The following EPB41L2 variants were observed in gnomAD, a reference collection of about 807,000 sequenced individuals.
EPB41L2 encodes the protein band 4.1-like protein 2.
A neutral mutation model predicts 113.0 loss-of-function variants in EPB41L2; 43 were observed. The ratio of observed to expected loss-of-function variants is 0.38; its 90% CI spans 0.30 to 0.49. EPB41L2 has a LOEUF of 0.49. EPB41L2 is among the 20% of genes least tolerant of loss of function. The pLI is 0.95. For synonymous variants in EPB41L2, 442 were observed against 436.7 expected, an observed-to-expected ratio of 1.01 and a Z score of -0.15; for missense variants, 1,147 against 1,223.4, an observed-to-expected ratio of 0.94 and a Z score of 0.93.
intron 11 of EPB41L2, among the ~76,000 whole-genome samples, chr6:130,886,086 C>A (rs748232678): frequency 6.6e-6 from 1 of 152,178 alleles, no homozygotes; most frequent in Non-Finnish European, 1.5e-5. Context: ...AACAGAACTA[C>A]CACAAGGTCA....
Position 130,858,235 on chromosome 6 carries a change from A to G in EPB41L2, c.2919T>C (p.Ala973=). Residue 973 remains alanine, a synonymous_variant, in exon 19 of 20, where the codon GCT becomes GCC. Coordinates refer to ENST00000337057, the MANE Select transcript of EPB41L2 (RefSeq NM_001431.4). Reference sequence around the variant, plus strand: ...GCTCTCTGGCTTCCCTGATCGCCTGAGCCAGTGCCTGCCAGGGTCAGGACA... The same window carrying G: ...GCTCTCTGGCTTCCCTGATCGCCTGGGCCAGTGCCTGCCAGGGTCAGGACA... ...DGDIDHDQAL[A]QAIREAREQH... 1 of 1,612,162 alleles carries G rather than the reference A, an allele frequency of 6.2e-7. No homozygotes were observed. Among genetic ancestry groups the G allele is most frequent in the Non-Finnish European group, 8.5e-7 (1 of 1,178,998 alleles).
chr6:130,991,821 T>C (rs1011249638), intron 1 of EPB41L2, among the ~76,000 whole-genome samples: 1 of 152,182 alleles, frequency 6.6e-6, no homozygotes, highest in African/African-American at 2.4e-5. Flanking sequence ...GATTTGGTCT[T>C]TGTAGAAGAA....
chr6:130,871,312 C>T (rs1420272338), intron 14 of EPB41L2, among the ~76,000 whole-genome samples: 1 of 152,106 alleles, frequency 6.6e-6, no homozygotes, highest in Non-Finnish European at 1.5e-5. Context: ...AACTTTTTGA[C>T]TTCTAGGTGG....
intron 17 of EPB41L2, 148 bp downstream of exon 17, chr6:130,865,388 T>C: frequency 1.4e-6 from 1 of 716,636 alleles, no homozygotes; most frequent in Non-Finnish European, 2.2e-6. Context: ...GAGCCTAATT[T>C]CTTGGATACT....
chr6:130,956,647 A>G, intron 1 of EPB41L2, 148 bp from the exon 2 acceptor site: 2 of 785,810 alleles, frequency 2.5e-6, no homozygotes, highest in Non-Finnish European at 3.9e-6. Context: ...CAAAAGCACA[A>G]GACAAAATGG....
At position 131,032,194 on chromosome 6, in the gene EPB41L2, A is replaced by G. The variant is rs557314513; in HGVS notation, c.-15+30961T>C. On this transcript the variant is annotated intron_variant, in intron 1 of 19. Coordinates refer to ENST00000337057, the MANE Select transcript of EPB41L2 (RefSeq NM_001431.4). ...CAGAGACAGCCCTAGCCAGCACAAT[A>G]AAGTCTTGCTTGAAGAGGGACTGGT... Among the ~76,000 whole-genome samples the G allele has an allele frequency of 3.3e-5, 5 of 152,196 alleles. No homozygotes were observed. In the South Asian group the frequency reaches 1.0e-3, roughly 32 times the overall value.
chr6:130,930,754 C>G (rs1291623983), intron 3 of EPB41L2, among the ~76,000 whole-genome samples: 1 of 151,840 alleles, frequency 6.6e-6, no homozygotes, highest in Non-Finnish European at 1.5e-5. Context: ...TATTGAGAGA[C>G]ACAGTATCAG....
intron 3 of EPB41L2, among the ~76,000 whole-genome samples, chr6:130,945,831 G>A (rs746183047): frequency 2.0e-5 from 3 of 151,774 alleles, no homozygotes; most frequent in Admixed American, 1.3e-4. Flanking sequence ...TTTTTCCCCC[G>A]CTTAGAGGAA....
At position 130,858,127 on chromosome 6, in the gene EPB41L2, T is replaced by C. The variant is rs1286651775; in HGVS notation, c.*5+4A>G. On this transcript the variant is annotated splice_donor_region_variant and intron_variant, in intron 19 of 19. Coordinates refer to ENST00000337057, the MANE Select transcript of EPB41L2 (RefSeq NM_001431.4). ...AAGGCCACAGACAATGAGGGCTCTCTTACCTTACTTAATCTTCCCCTTCCT... is the reference window on the plus strand; with the variant it reads ...AAGGCCACAGACAATGAGGGCTCTCCTACCTTACTTAATCTTCCCCTTCCT... The C allele has an allele frequency of 6.2e-6, 10 of 1,609,972 alleles. No individual in the cohort carries two copies. The highest frequency in any genetic ancestry group is 8.5e-6 in the Non-Finnish European group (10 of 1,176,394).
intron 6 of EPB41L2, among the ~76,000 whole-genome samples, chr6:130,902,197 C>A (rs1478355068): frequency 6.6e-6 from 1 of 152,208 alleles, no homozygotes; most frequent in Admixed American, 6.5e-5. Flanking sequence ...TGGCAGCTGG[C>A]CATCTTAGTC....
intron 14 of EPB41L2, chr6:130,876,633 G>C (rs1012230717): frequency 3.4e-6 from 4 of 1,175,724 alleles, no homozygotes; most frequent in South Asian, 1.4e-5. Context: ...AAAGGAAAGG[G>C]GGAAAAAGCA....
chr6:130,894,799 C>T (rs1794093745), intron 9 of EPB41L2, among the ~76,000 whole-genome samples, 168 bp downstream of exon 9: 1 of 151,948 alleles, frequency 6.6e-6, no homozygotes, highest in Non-Finnish European at 1.5e-5. Context: ...TAAAAACAGA[C>T]CAGACGTATA....
chr6:130,906,586 A>T (rs1279207756), intron 5 of EPB41L2, among the ~76,000 whole-genome samples: 1 of 152,222 alleles, frequency 6.6e-6, no homozygotes, highest in Admixed American at 6.5e-5. Context: ...CATACTAGTC[A>T]TACGCAAGCC....
chr6:130,981,705 A>T (rs1356713817), intron 1 of EPB41L2, among the ~76,000 whole-genome samples: 1 of 152,164 alleles, frequency 6.6e-6, no homozygotes, highest in Non-Finnish European at 1.5e-5. Context: ...CCAGAAGCAG[A>T]GCTATTTTTC....
intron 1 of EPB41L2, among the ~76,000 whole-genome samples, chr6:131,028,968 A>C (rs1791469976): frequency 6.6e-6 from 1 of 152,166 alleles, no homozygotes; most frequent in African/African-American, 2.4e-5. Context: ...CTAAGGGTAC[A>C]CCAAAATGAC....
At chr6:130,868,966 C>T (rs1307165514) in intron 15 of EPB41L2, 1 of 152,746 alleles carries the variant, frequency 6.5e-6, no homozygotes, top group African/African-American at 2.4e-5. Flanking sequence ...TTAACAAAAC[C>T]ATACAACCCC....
chr6:131,023,902 C>A (rs1584598957), intron 1 of EPB41L2, among the ~76,000 whole-genome samples: 1 of 152,002 alleles, frequency 6.6e-6, no homozygotes, highest in East Asian at 1.9e-4. Flanking sequence ...CTGTCATTTT[C>A]TGAGAGACAG....
At chr6:131,035,195 A>G (rs1212739041) in intron 1 of EPB41L2, among the ~76,000 whole-genome samples, 2 of 152,204 alleles carry the variant, frequency 1.3e-5, no homozygotes, top group Non-Finnish European at 2.9e-5. Flanking sequence ...TTTCAGGACT[A>G]CTTAAGGAAG....
chr6:130,975,558 T>C (rs763856981), intron 1 of EPB41L2, among the ~76,000 whole-genome samples: 53 of 152,308 alleles, frequency 3.5e-4, no homozygotes, highest in South Asian at 2.7e-3. Context: ...CAGTTATCAA[T>C]ATCACAGAAA....
Sources: allele counts gnomAD v4.1 joint callset (sites outside exome capture counted in the v4.1 genomes callset), GRCh38; gene constraint gnomAD v4.1.1; transcripts MANE v1.5; gene names NCBI Gene and HGNC (gene_info 2026-07-23, HGNC 2026-07-21).